Variants in AVEN observed in about 807,000 individuals in gnomAD.
The protein encoded by AVEN is apoptosis and caspase activation inhibitor.
AVEN carries 41 observed loss-of-function variants against 38.1 expected under a neutral mutation model. The ratio of observed to expected loss-of-function variants is 1.08; its 90% CI spans 0.84 to 1.40. AVEN has a LOEUF of 1.40. AVEN is among the 40% of genes most tolerant of loss of function. The pLI is 0.00. For missense variants in AVEN, 605 were observed against 438.8 expected, an observed-to-expected ratio of 1.38 and a Z score of -3.38; for synonymous variants, 206 against 171.8, an observed-to-expected ratio of 1.20 and a Z score of -1.56.
At chr15:33,994,093 G>A (rs941124543) in intron 2 of AVEN, among the ~76,000 whole-genome samples, 7 of 152,214 alleles carry the variant, frequency 4.6e-5, no homozygotes, top group East Asian at 1.9e-4. Flanking sequence ...GATCAGTACC[G>A]GTCTGTGGCT....
At chr15:33,982,109 C>T (rs567253546) in intron 2 of AVEN, among the ~76,000 whole-genome samples, 20 of 152,026 alleles carry the variant, frequency 1.3e-4, no homozygotes, top group African/African-American at 4.8e-4. Flanking sequence ...TCAGATGATC[C>T]ACCCGCCTCA....
In AVEN at chr15:33,867,693, T is replaced by A. The variant is rs148136950; in HGVS notation, c.775A>T (p.Asn259Tyr). The A allele has an allele frequency of 1.3e-4, 211 of 1,614,168 alleles. No homozygotes were observed. In the African/African-American group the frequency reaches 2.4e-3, roughly 19 times the overall value. Reference protein sequence around the residue: ...AGCPVLLGKDNPSPGPSRDSQ... With the variant: ...AGCPVLLGKDYPSPGPSRDSQ... The stretch of plus-strand genomic sequence containing the variant: ...TCCCTTGAAGGACCCGGGCTTGGGT[T>A]GTCTTTGCCCAGCAACACAGGGCAG... Residue 259 changes from asparagine (N) to tyrosine (Y), a missense_variant, in exon 5 of 6, where the codon AAC (asparagine) becomes TAC (tyrosine). By Grantham distance (143) the Asn-to-Tyr change is moderately radical (BLOSUM62 -2). Coordinates refer to ENST00000306730, the MANE Select transcript of AVEN (RefSeq NM_020371.3).
intron 2 of AVEN, among the ~76,000 whole-genome samples, chr15:33,889,400 G>A (rs945712375): frequency 1.3e-5 from 2 of 152,156 alleles, no homozygotes; most frequent in Non-Finnish European, 2.9e-5. Flanking sequence ...CTGTTGGCTT[G>A]TGAGTCTGTT....
intron 2 of AVEN, among the ~76,000 whole-genome samples, chr15:33,886,389 G>A (rs527519521): frequency 1.3e-5 from 2 of 152,102 alleles, no homozygotes; most frequent in East Asian, 3.9e-4. Flanking sequence ...TGCAACCTCC[G>A]CCTCCCAGGT....
intron 2 of AVEN, among the ~76,000 whole-genome samples, chr15:33,928,519 C>T (rs1177388151): frequency 2.0e-5 from 3 of 152,112 alleles, no homozygotes; most frequent in African/African-American, 7.2e-5. Context: ...ATTAATAGTA[C>T]AAGAGGTTGA....
chr15:33,968,138 A>G (rs1039022466), intron 2 of AVEN, among the ~76,000 whole-genome samples: 6 of 140,812 alleles, frequency 4.3e-5, no homozygotes, highest in Non-Finnish European at 7.7e-5. Context: ...TTCTAGCCAA[A>G]AAGACTAACA....
chr15:33,913,640 A>C (rs1249585336), intron 2 of AVEN, among the ~76,000 whole-genome samples: 1 of 152,222 alleles, frequency 6.6e-6, no homozygotes, highest in Non-Finnish European at 1.5e-5. Flanking sequence ...AAGTCATTGA[A>C]GTTTGTACAT....
chr15:33,992,633 A>G (rs1444522822), intron 2 of AVEN, among the ~76,000 whole-genome samples: 1 of 148,480 alleles, frequency 6.7e-6, no homozygotes. Context: ...ATATGAGACT[A>G]TATTGGCACA....
chr15:34,005,137 A>T (rs143092542), intron 1 of AVEN, among the ~76,000 whole-genome samples: 104 of 152,264 alleles, frequency 6.8e-4, no homozygotes, highest in African/African-American at 1.7e-3. Flanking sequence ...TTTTCTATGT[A>T]TATATTTATA....
At chr15:33,976,168 G>A (rs1356394411) in intron 2 of AVEN, among the ~76,000 whole-genome samples, 1 of 152,048 alleles carries the variant, frequency 6.6e-6, no homozygotes. Flanking sequence ...TTTAAAAGAG[G>A]AAATATGATC....
intron 1 of AVEN, among the ~76,000 whole-genome samples, chr15:34,013,106 G>A (rs1027074492): frequency 2.0e-5 from 3 of 151,076 alleles, no homozygotes; most frequent in South Asian, 4.3e-4. Flanking sequence ...CTGTCGCCCC[G>A]GCTGGAGTGC....
chr15:34,042,985 C>T (rs1012447731), upstream of AVEN, among the ~76,000 whole-genome samples: 16 of 151,974 alleles, frequency 1.1e-4, no homozygotes, highest in Admixed American at 3.9e-4. Context: ...CGGTGGCTCA[C>T]GCCTGTAATC....
rs577474369 is a variant in AVEN, at chr15:34,063,311, C to A, written n.1248G>T. The A allele has an allele frequency of 6.2e-7, 1 of 1,614,170 alleles. No homozygotes were observed. Among genetic ancestry groups the A allele is most frequent in the South Asian group, 1.1e-5 (1 of 91,084 alleles). ...AGCCCACCATCACTTTTGGCACTGC[C>A]ATTGCTGCCTTCTACATCCCTGTTT... On this transcript the variant is annotated non_coding_transcript_exon_variant, in exon 5 of 12. Transcript: ENST00000675287. This position sits in a 1 kb window ranked among gnomAD's most constrained non-coding sequence, Gnocchi z 4.1.
chr15:33,866,183 G>A (rs947835146), downstream of AVEN: 6 of 172,452 alleles, frequency 3.5e-5, no homozygotes, highest in African/African-American at 1.4e-4. Flanking sequence ...AAGGGGACAT[G>A]AGACGAATTG....
chr15:33,954,041 A>T (rs1894856512), intron 2 of AVEN, among the ~76,000 whole-genome samples: 1 of 152,260 alleles, frequency 6.6e-6, no homozygotes, highest in Admixed American at 6.5e-5. Context: ...GCCAACAGAC[A>T]CATGAAAAAA....
At chr15:33,953,726 T>C (rs1003250918) in intron 2 of AVEN, among the ~76,000 whole-genome samples, 13 of 152,206 alleles carry the variant, frequency 8.5e-5, no homozygotes, top group African/African-American at 3.1e-4. Context: ...GACATAAGCA[T>C]AGGCAAGGAC....
At chr15:33,953,123 C>A (rs1028005199) in intron 2 of AVEN, among the ~76,000 whole-genome samples, 6 of 152,066 alleles carry the variant, frequency 3.9e-5, no homozygotes, top group Non-Finnish European at 8.8e-5. Flanking sequence ...AACCACTGCT[C>A]TACGAAATAA....
chr15:33,897,898 T>C (rs1010785310), intron 2 of AVEN, among the ~76,000 whole-genome samples: 12 of 147,382 alleles, frequency 8.1e-5, no homozygotes, highest in African/African-American at 1.3e-4. Context: ...AAGCAAAAAA[T>C]AGCTGAATGG....
chr15:34,073,805 G>A (rs894984244), intron 1 of AVEN, among the ~76,000 whole-genome samples: 8 of 151,896 alleles, frequency 5.3e-5, no homozygotes, highest in African/African-American at 1.7e-4. Context: ...ACAGGCGTGA[G>A]TCACTGCACC....
Sources: gnomAD v4.1 joint callset for allele counts (sites outside exome capture counted in the v4.1 genomes callset) on GRCh38, gnomAD v4.1.1 for gene constraint, Gnocchi (gnomAD v3.1) non-coding constraint, MANE v1.5 for transcripts, NCBI Gene and HGNC (gene_info 2026-07-23, HGNC 2026-07-21) for gene names.